SV2C: variants seen among roughly 807,000 people sequenced by gnomAD.
The protein encoded by SV2C is synaptic vesicle glycoprotein 2C.
Under a neutral mutation model 79.7 loss-of-function variants are expected in SV2C, and 49 were observed. The ratio of observed to expected loss-of-function variants is 0.61; its 90% CI spans 0.49 to 0.78. SV2C has a LOEUF of 0.78. SV2C is among the 30% of genes least tolerant of loss of function. The probability of loss-of-function intolerance (pLI) is 0.00; values close to 1 mark genes in which losing one functional copy is unlikely to be tolerated. For missense variants in SV2C, 833 were observed against 912.9 expected, an observed-to-expected ratio of 0.91 and a Z score of 1.13; for synonymous variants, 334 against 333.2, an observed-to-expected ratio of 1.00 and a Z score of -0.03.
chr5:76,349,602 A>G (rs1323590033), intron 12 of SV2C, among the ~76,000 whole-genome samples: 20 of 152,204 alleles, frequency 1.3e-4, no homozygotes, highest in Non-Finnish European at 8.8e-5. Flanking sequence ...ATGACTGACT[A>G]GAAAAAATCC....
chr5:76,079,661 C>T (rs559983508), upstream of SV2C: 252 of 340,900 alleles, frequency 7.4e-4, 1 homozygote, highest in African/African-American at 5.2e-3. Flanking sequence ...TGAAGAACAG[C>T]TTGGGTGCCT....
the SV2C span, among the ~76,000 whole-genome samples, chr5:75,952,969 T>A: frequency 6.6e-6 from 1 of 151,974 alleles, no homozygotes; most frequent in South Asian, 2.1e-4. Flanking sequence ...CCCTTGTATA[T>A]CACTATCTTA....
intron 4 of SV2C, among the ~76,000 whole-genome samples, chr5:76,252,598 T>C (rs1460073703): frequency 6.6e-6 from 1 of 152,236 alleles, no homozygotes; most frequent in Non-Finnish European, 1.5e-5. Flanking sequence ...ATTCAAAATA[T>C]TGGTATAGCT....
At chr5:76,250,369 A>C (rs886394647) in intron 4 of SV2C, among the ~76,000 whole-genome samples, 1 of 152,236 alleles carries the variant, frequency 6.6e-6, no homozygotes, top group Non-Finnish European at 1.5e-5. Context: ...CAATGTCCTG[A>C]CTGAAATCTT....
chr5:75,913,067 G>A, the SV2C span, among the ~76,000 whole-genome samples: 1 of 152,296 alleles, frequency 6.6e-6, no homozygotes, highest in African/African-American at 2.4e-5. Context: ...TTTCCCATGA[G>A]GTAAACCATG....
At chr5:75,899,526 A>G in the SV2C span, among the ~76,000 whole-genome samples, 7 of 152,218 alleles carry the variant, frequency 4.6e-5, no homozygotes, top group East Asian at 1.9e-4. Context: ...GTGGTGCTGA[A>G]AAAAATGTAT....
chr5:76,202,152 G>C (rs746383411), intron 3 of SV2C, among the ~76,000 whole-genome samples: 1 of 151,550 alleles, frequency 6.6e-6, no homozygotes, highest in Middle Eastern at 3.2e-3. Flanking sequence ...CTTCAAAGTA[G>C]TCTTTTTCTT....
At chr5:75,990,341 C>T in the SV2C span, among the ~76,000 whole-genome samples, 1 of 151,838 alleles carries the variant, frequency 6.6e-6, no homozygotes, top group Admixed American at 6.6e-5. Flanking sequence ...AGGAAGGGGT[C>T]CAGTTTCAAT....
At chr5:76,214,389 T>C (rs906390691) in intron 4 of SV2C, among the ~76,000 whole-genome samples, 4 of 152,214 alleles carry the variant, frequency 2.6e-5, no homozygotes, top group Admixed American at 2.6e-4. Flanking sequence ...TCCGTTGGTC[T>C]ACATATCTGT....
At chr5:76,131,544 C>A (rs1043759673) in intron 1 of SV2C, 106 bp from the exon 2 acceptor site, 14 of 322,718 alleles carry the variant, frequency 4.3e-5, no homozygotes, top group Non-Finnish European at 6.6e-5. Flanking sequence ...AAAACTAATT[C>A]TGTGTTGTAG....
the SV2C span, among the ~76,000 whole-genome samples, chr5:76,055,358 A>G: frequency 1.3e-5 from 2 of 152,084 alleles, no homozygotes; most frequent in African/African-American, 4.8e-5. Flanking sequence ...ATTGGTCTAT[A>G]GATCTGTTAC....
chr5:76,237,511 CCT>C (rs1369407049), intron 4 of SV2C, among the ~76,000 whole-genome samples: 2 of 152,122 alleles, frequency 1.3e-5, no homozygotes, highest in African/African-American at 4.8e-5. Context: ...CCACTGCTCC[CCT>C]GAGTTGATCT....
chr5:75,856,104 T>G, the SV2C span, among the ~76,000 whole-genome samples: 1 of 152,252 alleles, frequency 6.6e-6, no homozygotes, highest in Non-Finnish European at 1.5e-5. Flanking sequence ...CCATCCATGT[T>G]GTTGCAAATA....
chr5:76,132,432 T>C, intron 2 of SV2C, 102 bp downstream of exon 2: 1 of 1,185,794 alleles, frequency 8.4e-7, no homozygotes, highest in South Asian at 2.0e-5. Flanking sequence ...AGTACTGCAT[T>C]TTTTCTAACA....
At chr5:75,882,056 C>T in the SV2C span, among the ~76,000 whole-genome samples, 1 of 150,182 alleles carries the variant, frequency 6.7e-6, no homozygotes, top group African/African-American at 2.5e-5. Context: ...TTGAGATAAT[C>T]ATGTGGTTTT....
chr5:75,911,496 A>C, the SV2C span: 1 of 784,898 alleles, frequency 1.3e-6, no homozygotes, highest in East Asian at 2.5e-5. Flanking sequence ...CAGCCTCTGG[A>C]GGGGGTTCAA....
intron 12 of SV2C, among the ~76,000 whole-genome samples, chr5:76,323,159 G>A (rs1748885484): frequency 6.6e-6 from 1 of 152,114 alleles, no homozygotes; most frequent in African/African-American, 2.4e-5. Context: ...CTAATATCTA[G>A]AATTTACAAG....
chr5:76,249,343 A>C (rs1746043530), intron 4 of SV2C, among the ~76,000 whole-genome samples: 1 of 152,238 alleles, frequency 6.6e-6, no homozygotes, highest in Non-Finnish European at 1.5e-5. Flanking sequence ...GCATTCAAAC[A>C]AGAAATGCCT....
the SV2C span, among the ~76,000 whole-genome samples, chr5:75,901,169 T>C: frequency 2.0e-4 from 31 of 152,228 alleles, no homozygotes; most frequent in Admixed American, 1.0e-3. Flanking sequence ...CTCTGCTTTT[T>C]AGAGTTTCCA....
Sources: gnomAD v4.1 joint callset for allele counts (sites outside exome capture counted in the v4.1 genomes callset) on GRCh38, gnomAD v4.1.1 for gene constraint, MANE v1.5 for transcripts, NCBI Gene and HGNC (gene_info 2026-07-23, HGNC 2026-07-21) for gene names.